Variants in ANKRD27 observed in about 807,000 individuals in gnomAD.
ANKRD27 encodes the protein ankyrin repeat domain-containing protein 27.
Under a neutral mutation model 129.7 loss-of-function variants are expected in ANKRD27, and 112 were observed. The ratio of observed to expected loss-of-function variants is 0.86; its 90% CI spans 0.74 to 1.01. ANKRD27 has a LOEUF of 1.01. Ranked by LOEUF, ANKRD27 falls within the 50% of genes least tolerant of loss-of-function variation. The pLI is 0.00. For synonymous variants in ANKRD27, 516 were observed against 511.2 expected, an observed-to-expected ratio of 1.01 and a Z score of -0.13; for missense variants, 1,258 against 1,300.5, an observed-to-expected ratio of 0.97 and a Z score of 0.50.
intron 26 of ANKRD27, among the ~76,000 whole-genome samples, chr19:32,601,045 C>T (rs1280233171): frequency 3.3e-5 from 5 of 151,930 alleles, no homozygotes; most frequent in South Asian, 4.2e-4. Context: ...ACACCTGTAA[C>T]TCCAGCACTT....
chr19:32,640,485 CAGGG>C, intron 10 of ANKRD27, 100 bp from the exon 11 acceptor site: 1 of 940,476 alleles, frequency 1.1e-6, no homozygotes, highest in Non-Finnish European at 1.7e-6. Context: ...AACCACGTAT[CAGGG>C]AGATCATACA....
Position 32,654,198 on chromosome 19 carries a change from C to T in ANKRD27, c.103-4406G>A, listed in dbSNP as rs532120144. Among the ~76,000 whole-genome samples, 19 of 152,240 alleles carry T rather than the reference C, an allele frequency of 1.2e-4. No homozygotes were observed. The South Asian group carries it at 3.7e-3, about 30-fold the overall frequency. On this transcript the variant is annotated intron_variant, in intron 2 of 28. Coordinates refer to ENST00000306065, the MANE Select transcript of ANKRD27 (RefSeq NM_032139.3). Reference sequence around the variant, plus strand: ...TACAGGCGTGAGCCACCATGCCTGGCCAAGACATGTTTTTAAGTGATTTCA... The same window carrying T: ...TACAGGCGTGAGCCACCATGCCTGGTCAAGACATGTTTTTAAGTGATTTCA...
chr19:32,612,819 C>A (rs1173383689), intron 22 of ANKRD27, among the ~76,000 whole-genome samples: 1 of 152,072 alleles, frequency 6.6e-6, no homozygotes, highest in African/African-American at 2.4e-5. Context: ...GGATCATGGA[C>A]TTAACTATAA....
chr19:32,619,743 C>T (rs975125818), intron 18 of ANKRD27, among the ~76,000 whole-genome samples, 190 bp from the exon 19 acceptor site: 4 of 152,142 alleles, frequency 2.6e-5, no homozygotes, highest in Non-Finnish European at 4.4e-5. Flanking sequence ...TGGGAACTTA[C>T]GCACGATCAC....
Position 32,631,390 on chromosome 19 carries a change from T to C in ANKRD27, c.1209+12A>G, listed in dbSNP as rs746618161. ...ACCCACATTTACCCACAGAGATGTC[T>C]TGGTATCTCACCTTAAACAGGCAGT... On this transcript the variant is annotated intron_variant, in intron 13 of 28. Transcript: ENST00000306065. 1.2e-6 allele frequency: 2 copies of C among 1,610,718 alleles called. No homozygotes were observed. Among genetic ancestry groups the C allele is most frequent in the East Asian group, 2.2e-5 (1 of 44,844 alleles).
At chr19:32,662,695 T>C (rs1052824729) in intron 1 of ANKRD27, among the ~76,000 whole-genome samples, 2 of 151,914 alleles carry the variant, frequency 1.3e-5, no homozygotes, top group Non-Finnish European at 2.9e-5. Context: ...TGAACTATGA[T>C]TGAAACACTG....
At chr19:32,617,788 C>T (rs1971943328) in intron 20 of ANKRD27, among the ~76,000 whole-genome samples, 155 bp from the exon 21 acceptor site, 1 of 141,350 alleles carries the variant, frequency 7.1e-6, no homozygotes, top group South Asian at 2.2e-4. Context: ...GAGTTTCGCT[C>T]TTATTGCTCA....
chr19:32,624,169 C>T (rs919499613), intron 17 of ANKRD27, among the ~76,000 whole-genome samples: 4 of 151,956 alleles, frequency 2.6e-5, no homozygotes, highest in African/African-American at 9.7e-5. Context: ...GAGTTCAAGA[C>T]CAGCCTGGTC....
intron 13 of ANKRD27, among the ~76,000 whole-genome samples, chr19:32,631,055 G>A (rs1966983746): frequency 6.6e-6 from 1 of 151,688 alleles, no homozygotes; most frequent in African/African-American, 2.4e-5. Context: ...GAGTCTCTCT[G>A]TCGCCCAGGC....
rs1392291108 is a variant in ANKRD27, at chr19:32,644,297, C to A, written c.525+28G>T. The A allele has an allele frequency of 4.4e-6, 7 of 1,601,160 alleles. 1 individual carries two copies. The highest frequency in any genetic ancestry group is 2.2e-5 in the South Asian group (2 of 90,776). ...CTGCACTGAACCGAGACAGGGCACG[C>A]CAGGCAGAGGACAGCACGGCTACTG... On this transcript the variant is annotated intron_variant, in intron 5 of 28. Transcript: ENST00000306065.
At chr19:32,656,103 G>GAAAAGAAAAGAAAAGAAAAGAAAAGA (rs1555747135) in intron 2 of ANKRD27, among the ~76,000 whole-genome samples, 6 of 123,694 alleles carry the variant, frequency 4.9e-5, no homozygotes, top group South Asian at 2.7e-4. Context: ...AAGAAAGAAA[G>GAAAAGAAAAGAAAAGAAAAGAAAAGA]AAAGAAAAGA....
chr19:32,641,960 C>G, intron 10 of ANKRD27, 64 bp downstream of exon 10: 1 of 1,504,298 alleles, frequency 6.6e-7, no homozygotes, highest in East Asian at 2.3e-5. Flanking sequence ...GACAGCATCA[C>G]TCTTTGCTTT....
At chr19:32,669,028 T>A (rs187442243) in intron 1 of ANKRD27, among the ~76,000 whole-genome samples, 1 of 151,918 alleles carries the variant, frequency 6.6e-6, no homozygotes, top group East Asian at 2.0e-4. Context: ...CCCAGGCTGG[T>A]CTCATACTCC....
intron 24 of ANKRD27, among the ~76,000 whole-genome samples, chr19:32,605,196 C>A (rs949972870): frequency 6.6e-6 from 1 of 151,996 alleles, no homozygotes; most frequent in Non-Finnish European, 1.5e-5. Context: ...CATAGTGAGA[C>A]CCCCATCTCT....
At chr19:32,608,132 T>C (rs1470193192) in intron 22 of ANKRD27, among the ~76,000 whole-genome samples, 3 of 151,440 alleles carry the variant, frequency 2.0e-5, no homozygotes, top group Admixed American at 2.0e-4. Context: ...GCCTCCCAAG[T>C]AGCTAGGTCC....
At position 32,610,245 on chromosome 19, in the gene ANKRD27, G is replaced by C. The variant is rs9636114; in HGVS notation, c.2176-2413C>G. Among the ~76,000 whole-genome samples the C allele has an allele frequency of 0.017, 2,550 of 152,130 alleles. 139 individuals are homozygous for C. The East Asian group carries it at 0.21, about 12-fold the overall frequency. The stretch of plus-strand genomic sequence containing the variant: ...GAATTGCTTGAACCCAGGAGGCAGA[G>C]GTTGCAGTGAGCCGAGATGGCGCCA... On this transcript the variant is annotated intron_variant, in intron 22 of 28. Transcript: ENST00000306065.
At chr19:32,667,992 A>G (rs1436775149) in intron 1 of ANKRD27, among the ~76,000 whole-genome samples, 1 of 152,226 alleles carries the variant, frequency 6.6e-6, no homozygotes, top group African/African-American at 2.4e-5. Context: ...CTCTCTCACT[A>G]TGTAACAGGG....
chr19:32,610,044 C>T (rs898844810), intron 22 of ANKRD27, among the ~76,000 whole-genome samples: 6 of 152,052 alleles, frequency 3.9e-5, no homozygotes, highest in Admixed American at 3.3e-4. Flanking sequence ...AGCAAGGTAG[C>T]TTACGCCTGT....
At position 32,643,865 on chromosome 19, in the gene ANKRD27, T is replaced by G. The variant is rs1688594388; in HGVS notation, c.526-234A>C. On this transcript the variant is annotated intron_variant, in intron 5 of 28. Coordinates refer to ENST00000306065, the MANE Select transcript of ANKRD27 (RefSeq NM_032139.3). ...TCATTGTTATACTTCCCCATGACTTTACCACTTGGTTTGTTTTTTCTTTTT... is the reference window on the plus strand; with the variant it reads ...TCATTGTTATACTTCCCCATGACTTGACCACTTGGTTTGTTTTTTCTTTTT... The G allele has an allele frequency of 7.2e-6, 4 of 558,898 alleles. No individual in the cohort carries two copies. The South Asian group carries it at 8.6e-5, about 12-fold the overall frequency. The allele number at this position is 558,898 out of a possible 1,614,324, so 34.6% of individuals were successfully genotyped here.
Sources: allele counts gnomAD v4.1 joint callset (sites outside exome capture counted in the v4.1 genomes callset), GRCh38; gene constraint gnomAD v4.1.1; transcripts MANE v1.5; gene names NCBI Gene and HGNC (gene_info 2026-07-23, HGNC 2026-07-21).